LRRC45: variants seen among roughly 807,000 people sequenced by gnomAD.
LRRC45 encodes the protein leucine-rich repeat-containing protein 45.
LRRC45 carries 73 observed loss-of-function variants against 85.4 expected under a neutral mutation model. That is an observed-to-expected ratio of 0.85 (90% CI 0.71 to 1.04). The LOEUF is 1.04. Ranked by LOEUF, LRRC45 falls within the 50% of genes least tolerant of loss-of-function variation. The pLI, the probability that LRRC45 is intolerant of heterozygous loss-of-function variation, is 0.00. For synonymous variants in LRRC45, 429 were observed against 386.0 expected (o/e 1.11, Z -1.31); for missense variants, 937 against 883.3 (o/e 1.06, Z -0.77).
intron 8 of LRRC45, 53 bp from the exon 9 acceptor site, chr17:82,027,958 T>A: frequency 6.4e-7 from 1 of 1,555,844 alleles, no homozygotes; most frequent in Non-Finnish European, 8.7e-7. Context: ...GAGGCCTTTA[T>A]AAGGCAAGTG....
In LRRC45 at chr17:82,031,068, C is replaced by T. The variant is rs1726724047; in HGVS notation, c.*263C>T. On this transcript the variant is annotated 3_prime_UTR_variant, in exon 17 of 17. Transcript: ENST00000306688. ...GGGTCCCGCGGGCGCGTCTCCCCCT[C>T]GCCTTTTGCGATGTCACCGTGAACG... 4 of 382,390 alleles carry T rather than the reference C, an allele frequency of 1.0e-5. No homozygotes were observed. The highest frequency in any genetic ancestry group is 1.9e-5 in the Non-Finnish European group (4 of 215,948). 23.7% of individuals were successfully genotyped at this position (382,390 alleles called of 1,614,324 possible).
At chr17:82,027,641 G>T in intron 7 of LRRC45, 33 bp from the exon 8 acceptor site, 1 of 1,602,168 alleles carries the variant, frequency 6.2e-7, no homozygotes. Flanking sequence ...CTGGGGTTTG[G>T]GTTACTCTCT....
Position 82,023,356 on chromosome 17 carries a change from G to A in LRRC45, c.-288G>A, listed in dbSNP as rs1363935594. ...CGCGGCTGTCGCGAGGGCGGGGGTC[G>A]GGGCTGCAGGCGGGGCAGGGCTGGG... On this transcript the variant is annotated 5_prime_UTR_variant, in exon 1 of 17. Transcript: ENST00000306688. The A allele has an allele frequency of 4.2e-6, 2 of 476,722 alleles. No individual in the cohort carries two copies. Among genetic ancestry groups the A allele is most frequent in the African/African-American group, 2.1e-5 (1 of 48,506 alleles). 29.5% of individuals were successfully genotyped at this position (476,722 alleles called of 1,614,324 possible). A position where few individuals can be genotyped will look rare whatever the true frequency, so the allele number is the denominator to read the frequency against.
Position 82,023,778 on chromosome 17 carries a change from G to A in LRRC45, c.135G>A (p.Glu45=). The A allele has an allele frequency of 6.4e-7, 1 of 1,564,524 alleles. No homozygotes were observed. Among genetic ancestry groups the A allele is most frequent in the Non-Finnish European group, 8.6e-7 (1 of 1,157,372 alleles). Residue 45 remains glutamate (E), a synonymous_variant, in exon 1 of 17, where the codon GAG becomes GAA. Coordinates refer to ENST00000306688, the MANE Select transcript of LRRC45 (RefSeq NM_144999.4). ...LDLATQSLTV[E]TCRALGKLLP... ...TGGCCACGCAAAGCCTGACGGTGGA[G>A]ACCTGCAGGGCCCTGGGCAAGCTGC...
rs1447425301 is a variant in LRRC45, at chr17:82,030,393, C to T, written c.1743C>T (p.Gly581=). The T allele has an allele frequency of 6.5e-7, 1 of 1,549,858 alleles. No homozygotes were observed. The highest frequency in any genetic ancestry group is 1.2e-5 in the South Asian group (1 of 84,072). ...RVRVELQEQN[G]RLQAELAAQE... is the part of the protein sequence containing the mutation. Reference sequence around the variant, plus strand: ...GCGTGGAGCTGCAGGAGCAGAACGGCCGGCTGCAGGCGGAGCTGGCGGCTC... The same window carrying T: ...GCGTGGAGCTGCAGGAGCAGAACGGTCGGCTGCAGGCGGAGCTGGCGGCTC... The change falls in exon 16 of 17, where the codon GGC becomes GGT. Residue 581 remains glycine, a synonymous_variant. Transcript: ENST00000306688.
At chr17:82,024,119 C>G (rs2043343031) in intron 1 of LRRC45, 159 bp from the exon 2 acceptor site, 1 of 894,460 alleles carries the variant, frequency 1.1e-6, no homozygotes, top group Non-Finnish European at 1.7e-6. Flanking sequence ...GCAGGTGTTT[C>G]AAACATGACT....
intron 12 of LRRC45, 74 bp downstream of exon 12, chr17:82,028,757 A>T (rs1253893280): frequency 6.8e-7 from 1 of 1,478,232 alleles, no homozygotes; most frequent in African/African-American, 1.4e-5. Context: ...CAAAGCACAC[A>T]CCTGGTGGGA....
rs1432235188 is a variant in LRRC45, at chr17:82,028,794, G to A, written c.1308+111G>A. 6 of 1,247,192 alleles carry A rather than the reference G, an allele frequency of 4.8e-6. No homozygotes were observed. In the Admixed American group the frequency reaches 9.3e-5, roughly 19 times the overall value. 77.3% of individuals were successfully genotyped at this position (1,247,192 alleles called of 1,614,324 possible). ...CTTCCCTTGCCAACCTTGGGTCACT[G>A]GGTGGCCGTATTTTGCCAGCCTGAG... On this transcript the variant is annotated intron_variant, in intron 12 of 16. Transcript: ENST00000306688.
chr17:82,024,196 G>T, intron 1 of LRRC45, 82 bp from the exon 2 acceptor site: 1 of 1,498,632 alleles, frequency 6.7e-7, no homozygotes, highest in East Asian at 2.3e-5. Flanking sequence ...CTGGGTCTAG[G>T]GAGCTGCCCT....
In LRRC45 at chr17:82,027,370, C is replaced by G. The variant is rs1568014975; in HGVS notation, c.775-16C>G. On this transcript the variant is annotated splice_polypyrimidine_tract_variant and intron_variant, in intron 6 of 16. Coordinates refer to ENST00000306688, the MANE Select transcript of LRRC45 (RefSeq NM_144999.4). ...TGCAGGTGCCCTGACAGGGCTGCGG[C>G]TGTCTCTGTCCCCAGTTCCTCGACT... 7 of 1,612,496 alleles carry G rather than the reference C, an allele frequency of 4.3e-6. No individual in the cohort carries two copies. The highest frequency in any genetic ancestry group is 5.9e-6 in the Non-Finnish European group (7 of 1,179,910).
chr17:82,025,846 T>C (rs2043363480), intron 5 of LRRC45, among the ~76,000 whole-genome samples: 2 of 152,250 alleles, frequency 1.3e-5, no homozygotes, highest in South Asian at 2.1e-4. Context: ...GGTCTTGGCC[T>C]TGGCCAGGAA....
chr17:82,025,451 T>C lies in LRRC45; in HGVS notation c.605T>C (p.Leu202Pro), dbSNP rs2043360485. 2 of 1,609,972 alleles carry C rather than the reference T, an allele frequency of 1.2e-6. No individual in the cohort carries two copies. Among genetic ancestry groups the C allele is most frequent in the Non-Finnish European group, 1.7e-6 (2 of 1,178,342 alleles). Residue 202 changes from leucine to proline, a missense_variant, in exon 5 of 17, where the codon CTG becomes CCG. Transcript: ENST00000306688. ...AACTGTCTCCCCAGCAACAGAACCCTGTGGAGACTGGACCTGGCTGGGAAC... is the reference window on the plus strand; with the variant it reads ...AACTGTCTCCCCAGCAACAGAACCCCGTGGAGACTGGACCTGGCTGGGAAC... ...LMNCLPSNRT[L>P]WRLDLAGNNI...
rs780315700 is a variant in LRRC45, at chr17:82,024,233, G to A, written c.221-45G>A. On this transcript the variant is annotated intron_variant, in intron 1 of 16. Coordinates refer to ENST00000306688, the MANE Select transcript of LRRC45 (RefSeq NM_144999.4). ...AAAAGGGGCCCACGGGGAGGGCCTT[G>A]GGGTCAGCAGGGGCAGAGAGTGACC... The A allele has an allele frequency of 2.6e-5, 41 of 1,603,220 alleles. No individual in the cohort carries two copies. The African/African-American group carries it at 4.5e-4, about 18-fold the overall frequency.
chr17:82,030,614 G>T lies in LRRC45; in HGVS notation c.1822G>T (p.Ala608Ser). The change falls in exon 17 of 17, where the codon GCG becomes TCG. Residue 608 changes from alanine (A) to serine (S), a missense_variant. Ala to Ser is a moderately conservative substitution (Grantham distance 99). Transcript: ENST00000306688. ...AALERQLKVM[A>S]SDHREALLDR... ...CTGCGCTCCTTGCCCTGCAGTGATG[G>T]CGAGCGACCACCGAGAGGCGCTGCT... 8.0e-7 allele frequency: 1 copy of T among 1,252,118 alleles called. No homozygotes were observed. Among genetic ancestry groups the T allele is most frequent in the South Asian group, 2.2e-5 (1 of 45,112 alleles). 77.6% of individuals were successfully genotyped at this position (1,252,118 alleles called of 1,614,324 possible). A position where few individuals can be genotyped will look rare whatever the true frequency, so the allele number is the denominator to read the frequency against.
rs57496920 is a variant in LRRC45, at chr17:82,024,663, C to G, written c.283-30C>G. The G allele has an allele frequency of 2.2e-5, 34 of 1,560,556 alleles. No individual in the cohort carries two copies. The Middle Eastern group carries it at 6.8e-4, about 31-fold the overall frequency. On this transcript the variant is annotated intron_variant, in intron 2 of 16. Coordinates refer to ENST00000306688, the MANE Select transcript of LRRC45 (RefSeq NM_144999.4). ...GGAATTCAGAGCCAGTCAGGGCACG[C>G]GAGTGACTACCGGCCTGTTTCTCTC...
chr17:82,025,076 G>T lies in LRRC45; in HGVS notation c.430G>T (p.Gly144Cys). Reference sequence around the variant, plus strand: ...CTTCTGCGGGGGCCTGGCGGCCAACGGCGCCCTGCAGCGGCTGGACCTCCG... The same window carrying T: ...CTTCTGCGGGGGCCTGGCGGCCAACTGCGCCCTGCAGCGGCTGGACCTCCG... Reference protein sequence around the residue: ...ATFCGGLAANGALQRLDLRNN... With the variant: ...ATFCGGLAANCALQRLDLRNN... The change falls in exon 4 of 17, where the codon GGC (glycine) becomes TGC (cysteine). Residue 144 changes from glycine (G) to cysteine (C), a missense_variant. Transcript: ENST00000306688. 1.9e-6 allele frequency: 3 copies of T among 1,610,000 alleles called. No individual in the cohort carries two copies. Among genetic ancestry groups the T allele is most frequent in the Non-Finnish European group, 2.5e-6 (3 of 1,178,702 alleles).
At chr17:82,025,657 A>G in intron 5 of LRRC45, 150 bp downstream of exon 5, 2 of 1,044,866 alleles carry the variant, frequency 1.9e-6, no homozygotes, top group Non-Finnish European at 2.6e-6. Context: ...GTCGTGGGGC[A>G]CCTGTTTGGC....
intron 13 of LRRC45, 68 bp from the exon 14 acceptor site, chr17:82,029,475 T>C: frequency 6.7e-7 from 1 of 1,501,016 alleles, no homozygotes; most frequent in Non-Finnish European, 9.0e-7. Flanking sequence ...GTTGGCTGGA[T>C]GGGCCAGAGA....
Position 82,026,882 on chromosome 17 carries a change from C to CT in LRRC45, c.662-17_662-16insT, listed in dbSNP as rs758549700. 6.2e-5 allele frequency: 99 copies of CT among 1,587,978 alleles called. No homozygotes were observed. Among genetic ancestry groups the CT allele is most frequent in the Non-Finnish European group, 8.5e-5 (99 of 1,170,492 alleles). On this transcript the variant is annotated splice_polypyrimidine_tract_variant and intron_variant, in intron 5 of 16. Coordinates refer to ENST00000306688, the MANE Select transcript of LRRC45 (RefSeq NM_144999.4). ...GGCATGAGCCCCTGTGCCCAGCTGACACAGCTCCTTCTGCAGAGCAAGCCA... is the reference window on the plus strand; with the variant it reads ...GGCATGAGCCCCTGTGCCCAGCTGACTACAGCTCCTTCTGCAGAGCAAGCCA...
Sources: gnomAD v4.1 joint callset for allele counts (sites outside exome capture counted in the v4.1 genomes callset) on GRCh38, gnomAD v4.1.1 for gene constraint, MANE v1.5 for transcripts, NCBI Gene and HGNC (gene_info 2026-07-23, HGNC 2026-07-21) for gene names.